MINDY3: variants seen among roughly 807,000 people sequenced by gnomAD.
MINDY3 encodes ubiquitin carboxyl-terminal hydrolase MINDY-3.
A neutral mutation model predicts 69.2 loss-of-function variants in MINDY3; 38 were observed. The observed-to-expected ratio is 0.55, with a 90% CI of 0.42 to 0.72. MINDY3 has a LOEUF of 0.72. Among genes scored for constraint, MINDY3 ranks in the 30% least tolerant of loss-of-function variants. The probability of loss-of-function intolerance (pLI) is 0.00; values close to 1 mark genes in which losing one functional copy is unlikely to be tolerated. For synonymous variants in MINDY3, 192 were observed against 180.1 expected (o/e 1.07, Z -0.53); for missense variants, 522 against 519.0 (o/e 1.01, Z -0.06).
At chr10:15,834,193 G>C (rs1013115590) in intron 7 of MINDY3, among the ~76,000 whole-genome samples, 1 of 151,714 alleles carries the variant, frequency 6.6e-6, no homozygotes, top group African/African-American at 2.4e-5. Context: ...GAGGAAAATG[G>C]GGAATGTTTT....
At chr10:15,808,474 G>C (rs1264721708) in intron 10 of MINDY3, among the ~76,000 whole-genome samples, 1 of 152,078 alleles carries the variant, frequency 6.6e-6, no homozygotes, top group Non-Finnish European at 1.5e-5. Context: ...AAACACCTAA[G>C]AGAGAAAGGC....
intron 8 of MINDY3, among the ~76,000 whole-genome samples, chr10:15,828,790 A>T (rs1465611203): frequency 1.3e-5 from 2 of 152,242 alleles, no homozygotes; most frequent in African/African-American, 2.4e-5. Context: ...ACGTTTACTA[A>T]CATGAGACAT....
intron 1 of MINDY3, among the ~76,000 whole-genome samples, chr10:15,855,697 C>G (rs939855173): frequency 1.8e-4 from 27 of 152,034 alleles, no homozygotes; most frequent in African/African-American, 6.5e-4. Context: ...ACAACTATAC[C>G]TTCTACAATT....
At chr10:15,822,871 C>T (rs1839863844) in intron 8 of MINDY3, among the ~76,000 whole-genome samples, 1 of 151,962 alleles carries the variant, frequency 6.6e-6, no homozygotes, top group Non-Finnish European at 1.5e-5. Flanking sequence ...TAAACGATAC[C>T]CTTCAGCTAA....
intron 14 of MINDY3, among the ~76,000 whole-genome samples, chr10:15,779,461 CTTAA>C (rs1197306908): frequency 6.6e-6 from 1 of 152,088 alleles, no homozygotes; most frequent in Non-Finnish European, 1.5e-5. Flanking sequence ...GAAAGAAATG[CTTAA>C]TTATCATATT....
chr10:15,806,789 A>G (rs747671156), intron 10 of MINDY3, among the ~76,000 whole-genome samples: 2 of 152,164 alleles, frequency 1.3e-5, no homozygotes, highest in Non-Finnish European at 2.9e-5. Context: ...TATTCCCCAA[A>G]CACAGTATTA....
chr10:15,817,533 A>G (rs1220407680), intron 9 of MINDY3: 2 of 152,218 alleles, frequency 1.3e-5, no homozygotes, highest in Non-Finnish European at 2.9e-5. Flanking sequence ...TAATCTGTGA[A>G]CATTACTATA....
chr10:15,848,275 A>T (rs955739554), intron 1 of MINDY3, among the ~76,000 whole-genome samples: 3 of 152,210 alleles, frequency 2.0e-5, no homozygotes, highest in Admixed American at 1.3e-4. Flanking sequence ...AACAATTTTT[A>T]GAACTCTTTA....
chr10:15,846,090 T>C (rs1171662990), intron 2 of MINDY3, among the ~76,000 whole-genome samples: 2 of 152,180 alleles, frequency 1.3e-5, no homozygotes, highest in African/African-American at 4.8e-5. Context: ...CCCAAAGTGC[T>C]GGGATTACAG....
intron 1 of MINDY3, among the ~76,000 whole-genome samples, chr10:15,849,744 A>G (rs1834142235): frequency 6.6e-6 from 1 of 152,136 alleles, no homozygotes; most frequent in Non-Finnish European, 1.5e-5. Flanking sequence ...TCCTCTCTTT[A>G]TCTTCAATCT....
chr10:15,825,714 TACA>T (rs1564500340), intron 8 of MINDY3, among the ~76,000 whole-genome samples: 1 of 152,252 alleles, frequency 6.6e-6, no homozygotes, highest in Non-Finnish European at 1.5e-5. Context: ...ATTTACCGTG[TACA>T]ACATGTTTTG....
intron 8 of MINDY3, among the ~76,000 whole-genome samples, chr10:15,826,397 A>G (rs1280967438): frequency 2.0e-5 from 3 of 152,220 alleles, no homozygotes; most frequent in Non-Finnish European, 4.4e-5. Context: ...AGAATCAAGT[A>G]TATGGATTCA....
At chr10:15,782,559 C>T (rs1241041603) in intron 13 of MINDY3, among the ~76,000 whole-genome samples, 1 of 151,978 alleles carries the variant, frequency 6.6e-6, no homozygotes, top group African/African-American at 2.4e-5. Context: ...AGTATATCTC[C>T]TTTTCTATGT....
chr10:15,836,708 G>C (rs1389493209), intron 6 of MINDY3, among the ~76,000 whole-genome samples: 1 of 151,424 alleles, frequency 6.6e-6, no homozygotes, highest in Non-Finnish European at 1.5e-5. Flanking sequence ...ACTGGATCCA[G>C]GGAAGAAAAT....
intron 6 of MINDY3, among the ~76,000 whole-genome samples, chr10:15,835,649 G>A (rs1003385407): frequency 1.3e-5 from 2 of 152,026 alleles, no homozygotes; most frequent in African/African-American, 4.8e-5. Context: ...GGTATCAAAC[G>A]TTTTGAGCAT....
At chr10:15,844,981 G>A (rs746865019) in intron 2 of MINDY3, among the ~76,000 whole-genome samples, 1 of 152,062 alleles carries the variant, frequency 6.6e-6, no homozygotes, top group South Asian at 2.1e-4. Context: ...CTGAATCTTA[G>A]TGTTTTTCTA....
chr10:15,833,759 C>A, intron 7 of MINDY3, 50 bp from the exon 8 acceptor site: 1 of 1,136,242 alleles, frequency 8.8e-7, no homozygotes, highest in South Asian at 1.3e-5. Context: ...GTTGCCAAAT[C>A]AAATAATTCC....
chr10:15,797,092 A>C (rs969714685), intron 10 of MINDY3, among the ~76,000 whole-genome samples: 8 of 152,032 alleles, frequency 5.3e-5, no homozygotes, highest in African/African-American at 4.8e-5. Flanking sequence ...TGTGAACACA[A>C]TTTTTGCAAG....
intron 14 of MINDY3, among the ~76,000 whole-genome samples, chr10:15,779,359 G>A (rs1836338703): frequency 1.3e-5 from 2 of 152,078 alleles, no homozygotes; most frequent in Admixed American, 1.3e-4. Context: ...AGCTGGCCAG[G>A]TGATTTTTAA....
Sources: gnomAD v4.1 joint callset for allele counts (sites outside exome capture counted in the v4.1 genomes callset) on GRCh38, gnomAD v4.1.1 for gene constraint, MANE v1.5 for transcripts, NCBI Gene and HGNC (gene_info 2026-07-23, HGNC 2026-07-21) for gene names.